RAB27B: variants seen among roughly 807,000 people sequenced by gnomAD.
The protein encoded by RAB27B is RAB27B, member RAS oncogene family.
In RAB27B, 15 loss-of-function variants were observed where a neutral mutation model predicts 24.6. The ratio of observed to expected loss-of-function variants is 0.61; its 90% CI spans 0.41 to 0.94. The LOEUF (loss-of-function observed/expected upper bound fraction) is 0.94. Ranked by LOEUF, RAB27B falls within the 40% of genes least tolerant of loss-of-function variation. The pLI is 0.00. For synonymous variants in RAB27B, 105 were observed against 92.5 expected (o/e 1.14, Z -0.78); for missense variants, 261 against 266.8 (o/e 0.98, Z 0.15).
intron 1 of RAB27B, among the ~76,000 whole-genome samples, chr18:54,839,698 C>G (rs116693792): frequency 6.6e-6 from 1 of 152,182 alleles, no homozygotes; most frequent in African/African-American, 2.4e-5. Context: ...AAATCCAACA[C>G]TAATTAAGAA....
chr18:54,781,627 G>A (rs1038868749), intron 2 of RAB27B, among the ~76,000 whole-genome samples: 2 of 151,940 alleles, frequency 1.3e-5, no homozygotes, highest in African/African-American at 4.8e-5. Context: ...ATCCATTTTG[G>A]TTCTAGCTCC....
chr18:54,720,631 T>A (rs1909330345), intron 2 of RAB27B, among the ~76,000 whole-genome samples: 1 of 152,030 alleles, frequency 6.6e-6, no homozygotes, highest in South Asian at 2.1e-4. Context: ...GTATTGCAGT[T>A]TGCTTTTTCA....
At chr18:54,783,017 G>A (rs1908964302) in intron 2 of RAB27B, among the ~76,000 whole-genome samples, 1 of 151,932 alleles carries the variant, frequency 6.6e-6, no homozygotes, top group Non-Finnish European at 1.5e-5. Context: ...GAGTGCAGTG[G>A]TGTGATCTCA....
chr18:54,791,904 G>A (rs1909259899), intron 2 of RAB27B, among the ~76,000 whole-genome samples: 1 of 152,198 alleles, frequency 6.6e-6, no homozygotes, highest in Non-Finnish European at 1.5e-5. Flanking sequence ...AGTCGGAGGA[G>A]AGTAGGGGCC....
intron 2 of RAB27B, among the ~76,000 whole-genome samples, chr18:54,749,635 A>T (rs1907765785): frequency 6.6e-6 from 1 of 152,160 alleles, no homozygotes; most frequent in Middle Eastern, 3.2e-3. Flanking sequence ...CTGAAAAACA[A>T]TTTTTTTATT....
chr18:54,777,540 G>GGA (rs1292703534), intron 2 of RAB27B, among the ~76,000 whole-genome samples: 4 of 152,224 alleles, frequency 2.6e-5, no homozygotes, highest in African/African-American at 9.6e-5. Context: ...AGAGATGTGT[G>GGA]GAGCAGCATG....
chr18:54,827,843 T>C (rs1490361669), upstream of RAB27B, among the ~76,000 whole-genome samples: 1 of 152,178 alleles, frequency 6.6e-6, no homozygotes, highest in Non-Finnish European at 1.5e-5. Context: ...GATCTTTGCT[T>C]TGTGGACGAA....
intron 1 of RAB27B, among the ~76,000 whole-genome samples, chr18:54,866,550 G>C (rs545832147): frequency 3.3e-5 from 5 of 152,150 alleles, no homozygotes; most frequent in Non-Finnish European, 5.9e-5. Flanking sequence ...CGCCCGCTTC[G>C]GCCTCCCAAA....
intron 2 of RAB27B, among the ~76,000 whole-genome samples, chr18:54,758,336 C>G (rs1029579736): frequency 6.6e-6 from 1 of 152,070 alleles, no homozygotes; most frequent in African/African-American, 2.4e-5. Flanking sequence ...GTGTTAGTAA[C>G]TGTGGATGAT....
chr18:54,884,838 A>G lies in RAB27B; in HGVS notation c.343+402A>G, dbSNP rs550761038. Reference sequence around the variant, plus strand: ...AAAATCGGCAGTATTTTCTGAGGGGACACTGGCACTGAAGGTGTGTTAAAC... The same window carrying G: ...AAAATCGGCAGTATTTTCTGAGGGGGCACTGGCACTGAAGGTGTGTTAAAC... On this transcript the variant is annotated intron_variant, in intron 4 of 5. Coordinates refer to ENST00000262094, the MANE Select transcript of RAB27B (RefSeq NM_004163.4). Among the ~76,000 whole-genome samples the G allele has an allele frequency of 1.8e-3, 272 of 152,210 alleles. 1 individual carries two copies. Among genetic ancestry groups the G allele is most frequent in the Non-Finnish European group, 2.2e-3 (152 of 68,008 alleles).
intron 1 of RAB27B, among the ~76,000 whole-genome samples, chr18:54,864,707 C>T (rs1568104177): frequency 6.6e-6 from 1 of 152,058 alleles, no homozygotes; most frequent in African/African-American, 2.4e-5. Context: ...CACAATTGAC[C>T]ATAAATGTAA....
intron 2 of RAB27B, among the ~76,000 whole-genome samples, chr18:54,812,124 G>T (rs1407458552): frequency 6.6e-6 from 1 of 152,126 alleles, no homozygotes; most frequent in Non-Finnish European, 1.5e-5. Context: ...CTTTATGAAT[G>T]AATACCTTTC....
At chr18:54,756,011 G>A (rs1907994050) in intron 2 of RAB27B, among the ~76,000 whole-genome samples, 1 of 152,084 alleles carries the variant, frequency 6.6e-6, no homozygotes, top group African/African-American at 2.4e-5. Context: ...GTTTCAGTAG[G>A]GATATAGGTA....
chr18:54,760,664 G>A (rs770373252), intron 2 of RAB27B, among the ~76,000 whole-genome samples: 3 of 152,122 alleles, frequency 2.0e-5, no homozygotes, highest in Non-Finnish European at 4.4e-5. Context: ...GCAAATTGAT[G>A]CTACAGGGTA....
rs546113734 is a variant in RAB27B, at chr18:54,765,483, C to G, written c.-20+47342C>G. Among the ~76,000 whole-genome samples the G allele has an allele frequency of 3.0e-4, 45 of 152,298 alleles. 1 individual carries two copies. Among genetic ancestry groups the G allele is most frequent in the African/African-American group, 1.0e-3 (43 of 41,562 alleles). On this transcript the variant is annotated intron_variant, in intron 2 of 4. Transcript: ENST00000586570. ...AAATATGCATTGGTCAACCTTGTGC[C>G]AGGCACTTTGATTTCTATATGTCCT... is the stretch of plus-strand genomic sequence containing the variant.
chr18:54,854,306 C>T (rs1435255330), intron 1 of RAB27B, among the ~76,000 whole-genome samples: 1 of 152,166 alleles, frequency 6.6e-6, no homozygotes, highest in Non-Finnish European at 1.5e-5. Context: ...CTTTTTCGTT[C>T]TTAAGTGTCT....
Position 54,772,673 on chromosome 18 carries a change from T to TA in RAB27B, c.-20+54532_-20+54533insA, listed in dbSNP as rs536683527. Among the ~76,000 whole-genome samples, 1,381 of 152,260 alleles carry TA rather than the reference T, an allele frequency of 9.1e-3. 22 individuals are homozygous for TA. Among genetic ancestry groups the TA allele is most frequent in the African/African-American group, 0.032 (1,332 of 41,552 alleles). The stretch of plus-strand genomic sequence containing the variant: ...AAACTCAGTCTCTTTTATTAATTAT[T>TA]TAAAAAACCCTTAAGATGTTATATT... On this transcript the variant is annotated intron_variant, in intron 2 of 4. Transcript: ENST00000586570.
intron 1 of RAB27B, among the ~76,000 whole-genome samples, chr18:54,837,191 T>C (rs1910928479): frequency 6.6e-6 from 1 of 152,000 alleles, no homozygotes; most frequent in African/African-American, 2.4e-5. Context: ...ATTATGGTAA[T>C]AAAGAGGAAG....
intron 2 of RAB27B, among the ~76,000 whole-genome samples, chr18:54,820,956 G>C (rs1462664687): frequency 6.6e-6 from 1 of 152,126 alleles, no homozygotes; most frequent in Non-Finnish European, 1.5e-5. Context: ...TGAGGGCTCT[G>C]TTCTGTTCCA....
Sources: allele counts gnomAD v4.1 joint callset (sites outside exome capture counted in the v4.1 genomes callset), GRCh38; gene constraint gnomAD v4.1.1; transcripts MANE v1.5; gene names NCBI Gene and HGNC (gene_info 2026-07-23, HGNC 2026-07-21).